Variants in SGCZ observed in about 807,000 individuals in gnomAD.
SGCZ encodes the protein zeta-sarcoglycan.
Under a neutral mutation model 41.3 loss-of-function variants are expected in SGCZ, and 40 were observed. The observed-to-expected ratio is 0.97, with a 90% CI of 0.75 to 1.26. The LOEUF (loss-of-function observed/expected upper bound fraction) is 1.26. SGCZ is among the 50% of genes most tolerant of loss of function. The pLI, the probability that SGCZ is intolerant of heterozygous loss-of-function variation, is 0.00. For synonymous variants in SGCZ, 206 were observed against 137.5 expected (o/e 1.50, Z -3.49); for missense variants, 552 against 369.8 (o/e 1.49, Z -4.04).
chr8:14,791,546 G>C (rs1488545055), intron 1 of SGCZ, among the ~76,000 whole-genome samples: 1 of 152,050 alleles, frequency 6.6e-6, no homozygotes, highest in South Asian at 2.1e-4. Context: ...CCTAATAGAA[G>C]TTTCTAGAGC....
At chr8:14,586,653 G>A (rs1303530921) in intron 1 of SGCZ, among the ~76,000 whole-genome samples, 3 of 152,144 alleles carry the variant, frequency 2.0e-5, no homozygotes, top group Non-Finnish European at 4.4e-5. Context: ...AGCTTTCCAT[G>A]GAAGGACCTC....
At chr8:14,929,212 C>T (rs1020038657) in intron 1 of SGCZ, among the ~76,000 whole-genome samples, 2 of 152,028 alleles carry the variant, frequency 1.3e-5, no homozygotes, top group Admixed American at 6.6e-5. Flanking sequence ...AGGCTGGTCT[C>T]GAACTCCTGA....
chr8:15,169,050 G>C (rs1232367037), intron 1 of SGCZ, among the ~76,000 whole-genome samples: 2 of 152,120 alleles, frequency 1.3e-5, no homozygotes, highest in Non-Finnish European at 2.9e-5. Flanking sequence ...AATCTGGTTT[G>C]TCTGTCTTTG....
intron 3 of SGCZ, among the ~76,000 whole-genome samples, chr8:14,252,320 T>G (rs1799317038): frequency 6.6e-6 from 1 of 152,148 alleles, no homozygotes; most frequent in Non-Finnish European, 1.5e-5. Context: ...TTTTCAGACT[T>G]GTCAGATATA....
intron 1 of SGCZ, among the ~76,000 whole-genome samples, chr8:15,123,521 A>T (rs1356849020): frequency 6.6e-6 from 1 of 152,182 alleles, no homozygotes; most frequent in Admixed American, 6.5e-5. Flanking sequence ...TTCATTTTAC[A>T]GTTGAGGAAA....
At chr8:14,995,952 G>T (rs1483958033) in intron 1 of SGCZ, among the ~76,000 whole-genome samples, 1 of 151,938 alleles carries the variant, frequency 6.6e-6, no homozygotes, top group Non-Finnish European at 1.5e-5. Context: ...TGTCCGGGGT[G>T]GAGTGCAGTG....
chr8:15,124,606 T>C (rs1287656567), intron 1 of SGCZ, among the ~76,000 whole-genome samples: 1 of 152,206 alleles, frequency 6.6e-6, no homozygotes, highest in African/African-American at 2.4e-5. Context: ...TCCTCTTCAA[T>C]TGTAAAAGCA....
chr8:14,911,474 G>A (rs540682953), intron 1 of SGCZ, among the ~76,000 whole-genome samples: 28 of 152,076 alleles, frequency 1.8e-4, no homozygotes, highest in African/African-American at 6.5e-4. Context: ...AAAATATATA[G>A]CTTCGTGTCA....
intron 2 of SGCZ, among the ~76,000 whole-genome samples, chr8:14,501,601 A>C (rs944541424): frequency 1.4e-5 from 2 of 137,954 alleles, no homozygotes; most frequent in African/African-American, 5.2e-5. Context: ...TTCATGATTT[A>C]GTTATCCAGG....
intron 2 of SGCZ, among the ~76,000 whole-genome samples, chr8:14,409,665 C>G (rs922068587): frequency 6.6e-6 from 1 of 152,192 alleles, no homozygotes; most frequent in South Asian, 2.1e-4. Context: ...GCAAAAATAG[C>G]TAACGCTAAC....
chr8:14,589,706 C>T (rs529210955), intron 1 of SGCZ, among the ~76,000 whole-genome samples: 383 of 152,098 alleles, frequency 2.5e-3, no homozygotes, highest in Non-Finnish European at 4.0e-3. Flanking sequence ...GGACTACAAC[C>T]CTGTAAATAT....
chr8:14,450,336 G>A (rs992072503), intron 2 of SGCZ, among the ~76,000 whole-genome samples: 3 of 152,168 alleles, frequency 2.0e-5, no homozygotes, highest in South Asian at 2.1e-4. Context: ...ATGCATATAC[G>A]TGTTTCATTT....
chr8:14,880,498 G>A (rs576030253), intron 1 of SGCZ, among the ~76,000 whole-genome samples: 13 of 152,184 alleles, frequency 8.5e-5, no homozygotes, highest in East Asian at 5.8e-4. Context: ...AAAGACACAC[G>A]CACACGTATG....
At chr8:14,658,489 G>A (rs746628441) in intron 1 of SGCZ, among the ~76,000 whole-genome samples, 9 of 151,922 alleles carry the variant, frequency 5.9e-5, no homozygotes, top group Non-Finnish European at 8.8e-5. Flanking sequence ...ATGATAAGAT[G>A]CGCAGCCTCC....
chr8:14,427,721 A>G (rs1448136396), intron 2 of SGCZ, among the ~76,000 whole-genome samples: 1 of 152,146 alleles, frequency 6.6e-6, no homozygotes, highest in Non-Finnish European at 1.5e-5. Flanking sequence ...GGTAACTATC[A>G]CAAGGACCAA....
intron 2 of SGCZ, among the ~76,000 whole-genome samples, chr8:14,536,492 A>G (rs2117138869): frequency 6.6e-6 from 1 of 152,012 alleles, no homozygotes; most frequent in South Asian, 2.1e-4. Flanking sequence ...ATCAAATAAA[A>G]CCATTTCCTT....
At chr8:14,674,597 C>T (rs146148345) in intron 1 of SGCZ, among the ~76,000 whole-genome samples, 3 of 152,106 alleles carry the variant, frequency 2.0e-5, no homozygotes, top group South Asian at 2.1e-4. Flanking sequence ...GGTTACTTTC[C>T]CACCCAAATT....
chr8:14,737,102 C>A (rs554386159), intron 1 of SGCZ, among the ~76,000 whole-genome samples: 2 of 144,824 alleles, frequency 1.4e-5, no homozygotes, highest in Admixed American at 7.0e-5. Flanking sequence ...TATCTATATA[C>A]CAGATACATA....
chr8:14,639,684 G>A (rs905238918), intron 1 of SGCZ, among the ~76,000 whole-genome samples: 45 of 151,722 alleles, frequency 3.0e-4, no homozygotes, highest in Admixed American at 1.4e-3. Flanking sequence ...AAGCAATCAT[G>A]AATACTAGTC....
Sources: gnomAD v4.1 joint callset for allele counts (sites outside exome capture counted in the v4.1 genomes callset) on GRCh38, gnomAD v4.1.1 for gene constraint, MANE v1.5 for transcripts, NCBI Gene and HGNC (gene_info 2026-07-23, HGNC 2026-07-21) for gene names.